Variants in NIBAN2 observed in about 807,000 individuals in gnomAD.
The protein encoded by NIBAN2 is protein Niban 2.
NIBAN2 carries 36 observed loss-of-function variants against 81.8 expected under a neutral mutation model. The observed-to-expected ratio is 0.44, with a 90% CI of 0.34 to 0.58. The LOEUF is 0.58. Among genes scored for constraint, NIBAN2 ranks in the 20% least tolerant of loss-of-function variants. NIBAN2 has a pLI of 0.02. For synonymous variants in NIBAN2, 445 were observed against 441.6 expected (o/e 1.01, Z -0.10); for missense variants, 897 against 1,014.1 (o/e 0.88, Z 1.57).
At chr9:127,524,258 T>C (rs1254219359) in intron 4 of NIBAN2, among the ~76,000 whole-genome samples, 1 of 152,036 alleles carries the variant, frequency 6.6e-6, no homozygotes, top group African/African-American at 2.4e-5. Flanking sequence ...GAGGGAGGCA[T>C]GTGGGGAGGG....
At chr9:127,519,614 C>T (rs763238277) in intron 5 of NIBAN2, among the ~76,000 whole-genome samples, 1 of 152,372 alleles carries the variant, frequency 6.6e-6, no homozygotes, top group South Asian at 2.1e-4. Context: ...CTGTCGGAGC[C>T]GGGAGGGAGC....
intron 5 of NIBAN2, among the ~76,000 whole-genome samples, chr9:127,520,575 G>A (rs1176470480): frequency 6.6e-6 from 1 of 152,064 alleles, no homozygotes; most frequent in Non-Finnish European, 1.5e-5. Context: ...TTAAACAGAG[G>A]GGATGAGGAT....
chr9:127,559,845 A>T lies in NIBAN2; in HGVS notation c.55+8975T>A, dbSNP rs4837164. Among the ~76,000 whole-genome samples the T allele has an allele frequency of 6.6e-5, 10 of 152,174 alleles. No individual in the cohort carries two copies. In the South Asian group the frequency reaches 1.5e-3, roughly 22 times the overall value. ...GAGGGCCTCCCTTGGCCAATGTCCT[A>T]TGTGAACCACATAGAACGGTAACAG... On this transcript the variant is annotated intron_variant, in intron 1 of 13. Transcript: ENST00000373312. This position sits in a 1 kb window ranked among gnomAD's most constrained non-coding sequence, Gnocchi z 4.0.
rs542294187 is a variant in NIBAN2 at position 127,518,025 on chromosome 9, C to A, written c.590-84G>T. On this transcript the variant is annotated intron_variant, in intron 5 of 13. Transcript: ENST00000373312. ...GACCAACTGAGAACTGACCAAAACC[C>A]CCCCCACACACATGGCATGCACCTC... 29 of 775,610 alleles carry A rather than the reference C, an allele frequency of 3.7e-5. No homozygotes were observed. The South Asian group carries it at 4.4e-4, about 12-fold the overall frequency. 48.0% of individuals were successfully genotyped at this position (775,610 alleles called of 1,614,324 possible). A position where few individuals can be genotyped will look rare whatever the true frequency, so the allele number is the denominator to read the frequency against.
intron 1 of NIBAN2, among the ~76,000 whole-genome samples, chr9:127,552,504 G>T (rs1370411965): frequency 6.6e-6 from 1 of 152,064 alleles, no homozygotes; most frequent in Non-Finnish European, 1.5e-5. Context: ...TTGAGCCCAG[G>T]AGATTGAGGC....
At chr9:127,546,105 C>T (rs1032341841) in intron 1 of NIBAN2, among the ~76,000 whole-genome samples, 2 of 152,224 alleles carry the variant, frequency 1.3e-5, no homozygotes, top group Admixed American at 1.3e-4. Flanking sequence ...CAAGGCCACG[C>T]CCAAGGAGGA....
At position 127,563,683 on chromosome 9, in the gene NIBAN2, C is replaced by T. The variant is rs1006284341; in HGVS notation, c.55+5137G>A. The stretch of plus-strand genomic sequence containing the variant: ...GACTACAGGCACGCACCACCAGGCC[C>T]GGCTAATTTTTTAGTAGAGACGTGG... On this transcript the variant is annotated intron_variant, in intron 1 of 13. Transcript: ENST00000373312. The surrounding 1 kb of genome is among the most constrained non-coding windows in gnomAD (Gnocchi z 4.1). Among the ~76,000 whole-genome samples the T allele has an allele frequency of 1.3e-5, 2 of 152,060 alleles. No individual in the cohort carries two copies. The highest frequency in any genetic ancestry group is 2.1e-4 in the South Asian group (1 of 4,816).
chr9:127,521,193 G>C (rs1292175827), intron 5 of NIBAN2, among the ~76,000 whole-genome samples: 2 of 152,216 alleles, frequency 1.3e-5, no homozygotes, highest in Admixed American at 1.3e-4. Context: ...TGAATCCTCA[G>C]CTCACTGTGC....
chr9:127,568,689 T>C (rs889658762), intron 1 of NIBAN2, 131 bp downstream of exon 1: 2 of 794,258 alleles, frequency 2.5e-6, no homozygotes, highest in Non-Finnish European at 3.3e-6. Flanking sequence ...GCACGCTCCC[T>C]GGCAGCTCCC....
intron 2 of NIBAN2, among the ~76,000 whole-genome samples, chr9:127,528,810 C>G (rs557464819): frequency 6.6e-6 from 1 of 152,362 alleles, no homozygotes; most frequent in East Asian, 1.9e-4. Context: ...GCAGACAGAG[C>G]TCTCATAACA....
rs1025119122 is a variant in NIBAN2, at chr9:127,568,835, G to A, written c.40C>T (p.Arg14Cys). Residue 14 changes from arginine to cysteine, a missense_variant, in exon 1 of 14, where the codon CGC becomes TGC. Around this residue, in one of 3 missense-constraint regions of NIBAN2, gnomAD observed 209 missense variants for 208.4 expected, o/e 1.00. Transcript: ENST00000373312. ...VLSTHLDDAR[R>C]QHIAEKTGKI... is the part of the protein sequence containing the mutation. ...CGACCCTCACCTGCGATGTGCTGGCGCCGGGCGTCGTCCAGGTGCGTGGAC... is the reference window on the plus strand; with the variant it reads ...CGACCCTCACCTGCGATGTGCTGGCACCGGGCGTCGTCCAGGTGCGTGGAC... 15 of 1,369,732 alleles carry A rather than the reference G, an allele frequency of 1.1e-5. No homozygotes were observed. Among genetic ancestry groups the A allele is most frequent in the Non-Finnish European group, 1.4e-5 (15 of 1,056,514 alleles). The allele number at this position is 1,369,732 out of a possible 1,614,324, so 84.8% of individuals were successfully genotyped here. A position where few individuals can be genotyped will look rare whatever the true frequency, so the allele number is the denominator to read the frequency against.
intron 1 of NIBAN2, among the ~76,000 whole-genome samples, chr9:127,544,479 TTTTTC>T (rs1247972143): frequency 6.6e-6 from 1 of 152,012 alleles, no homozygotes; most frequent in Non-Finnish European, 1.5e-5. Flanking sequence ...TGTTATTCTT[TTTTTC>T]TTTTATTTTT....
rs139660541 is a variant in NIBAN2 at position 127,555,425 on chromosome 9, C to T, written c.55+13395G>A. Reference sequence around the variant, plus strand: ...ATTTAAAGACAACAAACCCAGCTCTCGCTGCAGTTCCACAGTCCCCAGGCT... The same window carrying T: ...ATTTAAAGACAACAAACCCAGCTCTTGCTGCAGTTCCACAGTCCCCAGGCT... On this transcript the variant is annotated intron_variant, in intron 1 of 13. Coordinates refer to ENST00000373312, the MANE Select transcript of NIBAN2 (RefSeq NM_022833.4). 7.9e-4 allele frequency among the ~76,000 whole-genome samples: 121 copies of T among 152,364 alleles called. 1 individual carries two copies. Among genetic ancestry groups the T allele is most frequent in the African/African-American group, 2.7e-3 (114 of 41,586 alleles).
chr9:127,513,747 C>T (rs961330632), intron 8 of NIBAN2, among the ~76,000 whole-genome samples: 23 of 152,206 alleles, frequency 1.5e-4, no homozygotes, highest in African/African-American at 5.5e-4. Context: ...CAGCAGCCCT[C>T]GTGCTCTGTC....
intron 1 of NIBAN2, among the ~76,000 whole-genome samples, chr9:127,555,758 C>G (rs573536262): frequency 1.3e-5 from 2 of 152,336 alleles, no homozygotes; most frequent in East Asian, 3.9e-4. Context: ...TCCCAGGACA[C>G]GTGAGCTCCC....
intron 8 of NIBAN2, among the ~76,000 whole-genome samples, chr9:127,516,413 C>T (rs112567764): frequency 2.8e-3 from 425 of 151,886 alleles, no homozygotes; most frequent in Admixed American, 5.2e-3. Context: ...GGCATGGTGG[C>T]GCGCGTGTGC....
chr9:127,507,692 C>T lies in NIBAN2; in HGVS notation c.1654+175G>A, dbSNP rs893695190. ...GCGAGAAGAAACTAAAGCACAGAGA[C>T]GCAAGGCTAAGGCTGCTCCGGAGGC... On this transcript the variant is annotated intron_variant, in intron 13 of 13. Coordinates refer to ENST00000373312, the MANE Select transcript of NIBAN2 (RefSeq NM_022833.4). The surrounding 1 kb of genome is among the most constrained non-coding windows in gnomAD (Gnocchi z 6.8). 6.6e-6 allele frequency among the ~76,000 whole-genome samples: 1 copy of T among 152,214 alleles called. No individual in the cohort carries two copies. The highest frequency in any genetic ancestry group is 1.5e-5 in the Non-Finnish European group (1 of 68,034).
At chr9:127,548,359 C>T (rs1837512900) in intron 1 of NIBAN2, among the ~76,000 whole-genome samples, 1 of 152,184 alleles carries the variant, frequency 6.6e-6, no homozygotes, top group South Asian at 2.1e-4. Flanking sequence ...ACACTCTGGC[C>T]TTGCCGCCTC....
At chr9:127,515,530 A>C (rs1186912245) in intron 8 of NIBAN2, among the ~76,000 whole-genome samples, 2 of 69,674 alleles carry the variant, frequency 2.9e-5, no homozygotes, top group South Asian at 3.3e-4. Context: ...CAAAAAAAAA[A>C]AAAAAAAAAC....
Sources: gnomAD v4.1 joint callset for allele counts (sites outside exome capture counted in the v4.1 genomes callset) on GRCh38, gnomAD v4.1.1 for gene constraint, gnomAD v4.1.1 regional missense constraint, Gnocchi (gnomAD v3.1) non-coding constraint, MANE v1.5 for transcripts, NCBI Gene and HGNC (gene_info 2026-07-23, HGNC 2026-07-21) for gene names.